Variants in DACH1 observed in about 807,000 individuals in gnomAD.
DACH1 encodes dachshund family transcription factor 1, also known as dachshund homolog 1.
In DACH1, 12 loss-of-function variants were observed where a neutral mutation model predicts 54.2. The observed-to-expected ratio is 0.22, with a 90% CI of 0.14 to 0.36. The LOEUF is 0.36. DACH1 is among the 10% of genes least tolerant of loss of function. DACH1 has a pLI of 1.00. For synonymous variants in DACH1, 386 were observed against 366.2 expected, an observed-to-expected ratio of 1.05 and a Z score of -0.62; for missense variants, 805 against 929.8, an observed-to-expected ratio of 0.87 and a Z score of 1.75.
intron 1 of DACH1, among the ~76,000 whole-genome samples, chr13:71,743,600 G>T (rs1884493860): frequency 6.6e-6 from 1 of 152,194 alleles, no homozygotes; most frequent in Non-Finnish European, 1.5e-5. Flanking sequence ...GGCCAGGAAT[G>T]AATCTGATTT....
At position 71,866,632 on chromosome 13, in the gene DACH1, G is replaced by A. The variant is rs766912677; in HGVS notation, c.138C>T (p.Pro46=). ...ACAGAGTTGGCCCAGAGGACGCCGG[G>A]GGTCCGATGGAAGGAGCCGGAGACG... ...ATSSPAPSIG[P]PASSGPTLFR... Residue 46 remains proline (P), a synonymous_variant, in exon 1 of 11, where the codon CCC becomes CCT. Coordinates refer to ENST00000613252, the MANE Select transcript of DACH1 (RefSeq NM_080759.6). The A allele has an allele frequency of 6.4e-6, 9 of 1,401,050 alleles. No individual in the cohort carries two copies. The highest frequency in any genetic ancestry group is 2.1e-4 in the Middle Eastern group (1 of 4,732). 86.8% of individuals were successfully genotyped at this position (1,401,050 alleles called of 1,614,324 possible). A position where few individuals can be genotyped will look rare whatever the true frequency, so the allele number is the denominator to read the frequency against.
intron 6 of DACH1, among the ~76,000 whole-genome samples, chr13:71,518,403 C>A (rs894677724): frequency 6.6e-6 from 1 of 151,674 alleles, no homozygotes; most frequent in Admixed American, 6.6e-5. Context: ...AAAAAAAAAT[C>A]TGTTGTTTAA....
chr13:71,831,705 T>C (rs1453673007), intron 1 of DACH1, among the ~76,000 whole-genome samples: 2 of 152,050 alleles, frequency 1.3e-5, no homozygotes, highest in Admixed American at 6.6e-5. Context: ...ACTTTCTGAT[T>C]CATGAACCGA....
At chr13:71,701,966 C>T (rs1004781388) in intron 1 of DACH1, among the ~76,000 whole-genome samples, 3 of 152,072 alleles carry the variant, frequency 2.0e-5, no homozygotes, top group African/African-American at 4.8e-5. Context: ...CACATGCCTG[C>T]GTGTGCATGG....
chr13:71,526,150 T>G (rs993144763), intron 6 of DACH1, among the ~76,000 whole-genome samples: 1 of 152,182 alleles, frequency 6.6e-6, no homozygotes, highest in African/African-American at 2.4e-5. Context: ...TATACAGAGA[T>G]ACATAATTAA....
At chr13:71,612,251 G>T (rs1337525537) in intron 3 of DACH1, among the ~76,000 whole-genome samples, 1 of 152,046 alleles carries the variant, frequency 6.6e-6, no homozygotes, top group Non-Finnish European at 1.5e-5. Context: ...CCATAATATG[G>T]AGGTTAATTT....
intron 3 of DACH1, among the ~76,000 whole-genome samples, chr13:71,594,171 A>G (rs1244273635): frequency 6.6e-6 from 1 of 151,394 alleles, no homozygotes; most frequent in African/African-American, 2.4e-5. Flanking sequence ...TCTCTAATAT[A>G]AAAAAATTTT....
chr13:71,656,917 CTTTCAT>C (rs1879129561), intron 2 of DACH1, among the ~76,000 whole-genome samples: 1 of 26,714 alleles, frequency 3.7e-5, no homozygotes, highest in African/African-American at 1.1e-4. Context: ...GACTGTTCTT[CTTTCAT>C]ATATATATAT....
intron 1 of DACH1, among the ~76,000 whole-genome samples, chr13:71,847,125 T>C (rs1442864595): frequency 1.3e-5 from 2 of 152,190 alleles, no homozygotes; most frequent in Non-Finnish European, 2.9e-5. Flanking sequence ...ATGAAGTCTA[T>C]ATGTTTATGC....
intron 3 of DACH1, among the ~76,000 whole-genome samples, chr13:71,575,706 T>G (rs144402306): frequency 1.3e-5 from 2 of 152,100 alleles, no homozygotes; most frequent in African/African-American, 4.8e-5. Flanking sequence ...AGCATTCATA[T>G]GTGAATTTTC....
intron 1 of DACH1, among the ~76,000 whole-genome samples, chr13:71,817,814 C>CTTTTTTTT (rs34031888): frequency 8.4e-6 from 1 of 119,062 alleles, no homozygotes; most frequent in African/African-American, 3.2e-5. Flanking sequence ...TTCTTTCTTC[C>CTTTTTTTT]TTTTTTTTTT....
Position 71,865,962 on chromosome 13 carries a change from T to C in DACH1, c.808A>G (p.Lys270Glu), listed in dbSNP as rs1393729783. Reference protein sequence around the residue: ...GVNRCKLISRKDFETLYNDCT... With the variant: ...GVNRCKLISREDFETLYNDCT... Reference sequence around the variant, plus strand: ...TCATTGTAGAGGGTCTCGAAGTCCTTCCTGGAGATGAGTTTGCAGCGGTTC... The same window carrying C: ...TCATTGTAGAGGGTCTCGAAGTCCTCCCTGGAGATGAGTTTGCAGCGGTTC... The change falls in exon 1 of 11, where the codon AAG becomes GAG. Residue 270 changes from lysine (K) to glutamate (E), a missense_variant. Around this residue, in one of 3 missense-constraint regions of DACH1, gnomAD observed 472 missense variants for 545.3 expected, o/e 0.87. Coordinates refer to ENST00000613252, the MANE Select transcript of DACH1 (RefSeq NM_080759.6). 1 of 1,613,814 alleles carries C rather than the reference T, an allele frequency of 6.2e-7. No individual in the cohort carries two copies.
intron 6 of DACH1, among the ~76,000 whole-genome samples, chr13:71,527,874 A>T (rs1368692126): frequency 2.3e-5 from 3 of 130,502 alleles, no homozygotes; most frequent in Non-Finnish European, 3.6e-5. Flanking sequence ...GTTACTAATA[A>T]AAAAAAAATG....
chr13:71,508,340 G>A (rs1485344123), intron 6 of DACH1, among the ~76,000 whole-genome samples: 2 of 152,062 alleles, frequency 1.3e-5, no homozygotes, highest in East Asian at 1.9e-4. Flanking sequence ...TCCCTCTCAT[G>A]ATGATTACTC....
intron 1 of DACH1, among the ~76,000 whole-genome samples, chr13:71,827,762 T>C (rs934005291): frequency 6.6e-6 from 1 of 152,016 alleles, no homozygotes; most frequent in Non-Finnish European, 1.5e-5. Flanking sequence ...GAGAAAAGAA[T>C]AGGAGAAAAA....
intron 10 of DACH1, among the ~76,000 whole-genome samples, chr13:71,466,147 G>C (rs934052400): frequency 6.6e-6 from 1 of 152,020 alleles, no homozygotes. Flanking sequence ...TTTCACCGGT[G>C]CACTGTTTAA....
At chr13:71,844,743 A>T (rs530764442) in intron 1 of DACH1, among the ~76,000 whole-genome samples, 13 of 152,166 alleles carry the variant, frequency 8.5e-5, no homozygotes, top group Non-Finnish European at 1.3e-4. Context: ...TACTACCCAC[A>T]CTTGATTAAA....
intron 2 of DACH1, among the ~76,000 whole-genome samples, chr13:71,676,878 T>C (rs1202385568): frequency 6.6e-6 from 1 of 152,176 alleles, no homozygotes; most frequent in Non-Finnish European, 1.5e-5. Context: ...GTTATATGTC[T>C]ACAAGATCAC....
intron 1 of DACH1, among the ~76,000 whole-genome samples, chr13:71,778,484 G>T (rs1327224575): frequency 3.3e-5 from 5 of 151,952 alleles, no homozygotes; most frequent in Non-Finnish European, 7.4e-5. Flanking sequence ...ACTTTCTGTG[G>T]ATTATAGCTT....
Sources: gnomAD v4.1 joint callset for allele counts (sites outside exome capture counted in the v4.1 genomes callset) on GRCh38, gnomAD v4.1.1 for gene constraint, gnomAD v4.1.1 regional missense constraint, MANE v1.5 for transcripts, NCBI Gene and HGNC (gene_info 2026-07-23, HGNC 2026-07-21) for gene names.